The following PCDHA1 variants were observed in gnomAD, a reference collection of about 807,000 sequenced individuals.
PCDHA1 encodes protocadherin alpha 1, also known as protocadherin alpha-1.
In PCDHA1, 42 loss-of-function variants were observed where a neutral mutation model predicts 61.3. The ratio of observed to expected loss-of-function variants is 0.69; its 90% confidence interval spans 0.54 to 0.89. The LOEUF (loss-of-function observed/expected upper bound fraction) is 0.89, where lower values mean the gene tolerates loss of function less well. PCDHA1 is among the 40% of genes least tolerant of loss of function. The pLI is 0.00. For synonymous variants in PCDHA1, 610 were observed against 553.8 expected (o/e 1.10, Z -1.43); for missense variants, 1,256 against 1,235.3 (o/e 1.02, Z -0.25).
At chr5:140,841,846 T>C (rs2150323998) in intron 1 of PCDHA1, 5 of 1,613,898 alleles carry the variant, frequency 3.1e-6, no homozygotes, top group Non-Finnish European at 4.2e-6. Context: ...TTAGCTCTCA[T>C]GATTACTTCA....
At chr5:140,789,434 A>C (rs1581601359) in intron 1 of PCDHA1, among the ~76,000 whole-genome samples, 1 of 152,358 alleles carries the variant, frequency 6.6e-6, no homozygotes, top group South Asian at 2.1e-4. Flanking sequence ...CCTGGGCGAC[A>C]GAGTGAGACT....
At chr5:140,845,739 T>A (rs1410365251) in intron 1 of PCDHA1, among the ~76,000 whole-genome samples, 1 of 149,672 alleles carries the variant, frequency 6.7e-6, no homozygotes, top group African/African-American at 2.4e-5. Context: ...TTCTACTTTA[T>A]AGATTTATTT....
intron 1 of PCDHA1, chr5:140,866,250 C>G (rs2049240306): frequency 6.6e-6 from 1 of 152,128 alleles, no homozygotes; most frequent in South Asian, 2.1e-4. Flanking sequence ...AAATGACACC[C>G]TTCTTTCTTT....
chr5:140,978,820 T>C (rs2096824926), intron 1 of PCDHA1, 129 bp from the exon 2 acceptor site: 1 of 1,517,496 alleles, frequency 6.6e-7, no homozygotes, highest in East Asian at 2.4e-5. Context: ...GAGTTACACA[T>C]GAAATGGCTC....
chr5:140,952,406 T>G (rs2094740405), intron 1 of PCDHA1, among the ~76,000 whole-genome samples: 1 of 151,900 alleles, frequency 6.6e-6, no homozygotes, highest in Admixed American at 6.6e-5. Flanking sequence ...ATTCTCAAAT[T>G]TAATGTTCCG....
chr5:140,957,222 G>A (rs537549328), intron 1 of PCDHA1, among the ~76,000 whole-genome samples: 1 of 152,182 alleles, frequency 6.6e-6, no homozygotes, highest in East Asian at 1.9e-4. Context: ...AAAATTTGGC[G>A]AAGCATTTTG....
intron 1 of PCDHA1, chr5:140,810,260 C>G (rs1478886173): frequency 6.6e-6 from 1 of 152,084 alleles, no homozygotes; most frequent in Non-Finnish European, 1.5e-5. Flanking sequence ...TGCATTGTGC[C>G]TCAATGTCTA....
intron 1 of PCDHA1, among the ~76,000 whole-genome samples, chr5:140,838,656 C>T (rs2150290974): frequency 1.1e-4 from 17 of 151,972 alleles, no homozygotes; most frequent in Admixed American, 2.0e-4. Context: ...TGATAGTTAA[C>T]GGGGCATGGT....
In PCDHA1 at chr5:141,010,177, C is replaced by T; in HGVS notation, c.*240C>T. 3 of 1,556,196 alleles carry T rather than the reference C, an allele frequency of 1.9e-6. No homozygotes were observed. The highest frequency in any genetic ancestry group is 1.7e-4 in the Middle Eastern group (1 of 6,000). On this transcript the variant is annotated 3_prime_UTR_variant, in exon 4 of 4. Coordinates refer to ENST00000504120, the MANE Select transcript of PCDHA1 (RefSeq NM_018900.4). ...TGGCTTGTTTTCAGAACCTAAAAAG[C>T]AGACCCAAGTTTCCTTTCTCCTCCG... is the stretch of plus-strand genomic sequence containing the variant.
intron 1 of PCDHA1, chr5:140,883,930 C>A: frequency 2.5e-6 from 4 of 1,613,066 alleles, no homozygotes; most frequent in Non-Finnish European, 3.4e-6. Flanking sequence ...TGCAGGTGTT[C>A]GTGCTGGACG....
At chr5:140,821,965 C>G in intron 1 of PCDHA1, 2 of 1,614,158 alleles carry the variant, frequency 1.2e-6, no homozygotes, top group East Asian at 4.5e-5. Context: ...GCGCCTGTTC[C>G]GGGTGGCGTC....
chr5:140,954,537 T>C (rs2095052425), intron 1 of PCDHA1, among the ~76,000 whole-genome samples: 1 of 152,268 alleles, frequency 6.6e-6, no homozygotes, highest in Non-Finnish European at 1.5e-5. Flanking sequence ...TTGAGGTTTT[T>C]TTCATATGTT....
chr5:140,786,467 G>A lies in PCDHA1; in HGVS notation c.177G>A (p.Leu59=). ...AQDLGLELAE[L]VPRLFRVASK... is the part of the protein sequence containing the mutation. ...ACCTGGGACTGGAGCTGGCGGAGCT[G>A]GTGCCTCGCCTGTTCCGGGTGGCGT... Residue 59 remains leucine, a synonymous_variant, in exon 1 of 4, where the codon CTG becomes CTA. Coordinates refer to ENST00000504120, the MANE Select transcript of PCDHA1 (RefSeq NM_018900.4). 1 of 1,613,632 alleles carries A rather than the reference G, an allele frequency of 6.2e-7. No homozygotes were observed. The highest frequency in any genetic ancestry group is 1.1e-5 in the South Asian group (1 of 91,044).
At chr5:140,806,699 G>T (rs1763769957) in intron 1 of PCDHA1, among the ~76,000 whole-genome samples, 1 of 152,170 alleles carries the variant, frequency 6.6e-6, no homozygotes, top group African/African-American at 2.4e-5. Context: ...ACAGGAATCT[G>T]TAATGAATTT....
chr5:140,809,284 C>T (rs1764416087), intron 1 of PCDHA1: 1 of 1,614,114 alleles, frequency 6.2e-7, no homozygotes, highest in Non-Finnish European at 8.5e-7. Context: ...TCAACGTATA[C>T]CTGATCATTG....
chr5:140,950,426 ACT>A (rs1554219446), intron 1 of PCDHA1, among the ~76,000 whole-genome samples: 5 of 151,872 alleles, frequency 3.3e-5, no homozygotes, highest in African/African-American at 1.2e-4. Flanking sequence ...ATTTTCTTCC[ACT>A]TAAAAAAAAT....
At chr5:140,874,212 T>C (rs1199574859) in intron 1 of PCDHA1, among the ~76,000 whole-genome samples, 1 of 152,252 alleles carries the variant, frequency 6.6e-6, no homozygotes, top group Non-Finnish European at 1.5e-5. Context: ...TTTATTATTA[T>C]ATGCAGTAGG....
chr5:140,842,381 T>A (rs2150334920), intron 1 of PCDHA1: 1 of 1,610,534 alleles, frequency 6.2e-7, no homozygotes, highest in South Asian at 1.1e-5. Context: ...AGCACTGACT[T>A]CCTTATCCTT....
chr5:140,930,567 C>T (rs1192022171), intron 1 of PCDHA1: 11 of 152,480 alleles, frequency 7.2e-5, no homozygotes, highest in African/African-American at 2.2e-4. Context: ...TGAAGCAATT[C>T]TACGGTATTA....
Sources: allele counts gnomAD v4.1 joint callset (sites outside exome capture counted in the v4.1 genomes callset), GRCh38; gene constraint gnomAD v4.1.1; transcripts MANE v1.5; gene names NCBI Gene and HGNC (gene_info 2026-07-23, HGNC 2026-07-21).